The following IQGAP1 variants were observed in gnomAD, a reference collection of about 807,000 sequenced individuals.
IQGAP1 encodes the protein ras GTPase-activating-like protein IQGAP1.
IQGAP1 carries 66 observed loss-of-function variants against 215.6 expected under a neutral mutation model. The observed-to-expected ratio is 0.31, with a 90% confidence interval of 0.25 to 0.38. The LOEUF (loss-of-function observed/expected upper bound fraction) is 0.38. IQGAP1 is among the 10% of genes least tolerant of loss of function. The pLI is 1.00. For missense variants in IQGAP1, 1,712 were observed against 1,997.1 expected (o/e 0.86, Z 2.72); for synonymous variants, 772 against 728.7 (o/e 1.06, Z -0.96).
chr15:90,481,871 T>C (rs752723950), intron 26 of IQGAP1, 89 bp from the exon 27 acceptor site: 2 of 1,365,042 alleles, frequency 1.5e-6, no homozygotes, highest in Non-Finnish European at 2.1e-6. Flanking sequence ...TATTTCTGGG[T>C]CTTATAGTTT....
chr15:90,466,614 T>C (rs1040251789), intron 17 of IQGAP1, among the ~76,000 whole-genome samples, 178 bp downstream of exon 17: 58 of 127,098 alleles, frequency 4.6e-4, no homozygotes, highest in African/African-American at 1.9e-3. Flanking sequence ...CCCCCCCCCC[T>C]TGTGGACAGC....
rs1965985081 is a variant in IQGAP1 at position 90,476,685 on chromosome 15, A to G, written c.2807A>G (p.Lys936Arg). The change falls in exon 24 of 38, where the codon AAA (lysine) becomes AGA (arginine). Residue 936 changes from lysine (K) to arginine (R), a missense_variant. Around this residue, in one of 2 missense-constraint regions of IQGAP1, gnomAD observed 691 missense variants for 923.0 expected, o/e 0.75. Transcript: ENST00000268182. ...TLQDVVSHSK[K>R]LTKKNKEQLS... ...TAGGATGTGGTTTCCCACAGTAAAA[A>G]ACTTACCAAAAAAAATAAGGAACAG... is the stretch of plus-strand genomic sequence containing the variant. The G allele has an allele frequency of 1.3e-6, 2 of 1,587,472 alleles. No homozygotes were observed. The highest frequency in any genetic ancestry group is 1.7e-6 in the Non-Finnish European group (2 of 1,173,086).
chr15:90,451,436 G>T (rs1484179757), intron 11 of IQGAP1, among the ~76,000 whole-genome samples: 1 of 152,138 alleles, frequency 6.6e-6, no homozygotes, highest in East Asian at 1.9e-4. Flanking sequence ...GTGAGTAGGG[G>T]TCCTGGCTTT....
chr15:90,489,213 C>G (rs1567143459), intron 33 of IQGAP1, among the ~76,000 whole-genome samples: 1 of 151,666 alleles, frequency 6.6e-6, no homozygotes, highest in Non-Finnish European at 1.5e-5. Context: ...ACTGCAACCT[C>G]CGCCTCCTGG....
At chr15:90,469,644 A>G (rs1965879164) in intron 18 of IQGAP1, among the ~76,000 whole-genome samples, 1 of 152,222 alleles carries the variant, frequency 6.6e-6, no homozygotes, top group Non-Finnish European at 1.5e-5. Context: ...GGCAGAGAGA[A>G]GTGGTGCTCT....
chr15:90,494,180 G>A (rs1966242718), intron 35 of IQGAP1: 1 of 152,198 alleles, frequency 6.6e-6, no homozygotes, highest in Non-Finnish European at 1.5e-5. Context: ...TTTTGCAAAT[G>A]TGGGCATATT....
chr15:90,390,349 T>C (rs1384088949), intron 1 of IQGAP1, among the ~76,000 whole-genome samples: 3 of 152,220 alleles, frequency 2.0e-5, no homozygotes, highest in East Asian at 1.9e-4. Context: ...AGGATTGTTG[T>C]GGGGTTTCAA....
Position 90,443,469 on chromosome 15 carries a change from A to G in IQGAP1, c.904A>G (p.Lys302Glu). ...TQAEIQGNINKVNTFSALANI... is the reference protein window; with the variant it reads ...TQAEIQGNINEVNTFSALANI... Reference sequence around the variant, plus strand: ...AGCTGAAATTCAAGGCAATATAAACAAAGTCAATAGTAAGTATGTTCCTGA... The same window carrying G: ...AGCTGAAATTCAAGGCAATATAAACGAAGTCAATAGTAAGTATGTTCCTGA... The change falls in exon 9 of 38, where the codon AAA becomes GAA. Residue 302 changes from lysine (K) to glutamate (E), a missense_variant. Around this residue, in one of 2 missense-constraint regions of IQGAP1, gnomAD observed 1,021 missense variants for 1,074.2 expected, o/e 0.95. Transcript: ENST00000268182. The G allele has an allele frequency of 6.3e-7, 1 of 1,597,820 alleles. No individual in the cohort carries two copies. The highest frequency in any genetic ancestry group is 8.6e-7 in the Non-Finnish European group (1 of 1,165,378).
intron 9 of IQGAP1, among the ~76,000 whole-genome samples, chr15:90,445,140 T>A (rs557575996): frequency 2.9e-4 from 43 of 147,726 alleles, no homozygotes; most frequent in African/African-American, 9.8e-4. Flanking sequence ...AATTAATTAA[T>A]TTTTTTTTTT....
intron 35 of IQGAP1, chr15:90,493,889 G>C (rs190777966): frequency 3.0e-4 from 46 of 152,346 alleles, no homozygotes; most frequent in African/African-American, 1.0e-3. Context: ...AGAATGAACT[G>C]TTTCTCCAAG....
intron 23 of IQGAP1, 49 bp from the exon 24 acceptor site, chr15:90,476,614 G>T (rs1300795863): frequency 7.7e-6 from 11 of 1,436,982 alleles, no homozygotes; most frequent in Non-Finnish European, 7.5e-6. Flanking sequence ...AATGCCCAGA[G>T]GTTCATCTTT....
Position 90,449,608 on chromosome 15 carries a change from A to G in IQGAP1, c.1127A>G (p.Asp376Gly). ...AAGGAGGAGCTGCAGTCTGGAGTGG[A>G]TGCTGCAAACAGTGCTGCCCAGCAA... Reference protein sequence around the residue: ...LQKEELQSGVDAANSAAQQYQ... With the variant: ...LQKEELQSGVGAANSAAQQYQ... The change falls in exon 11 of 38, where the codon GAT (aspartate) becomes GGT (glycine). Residue 376 changes from aspartate (D) to glycine (G), a missense_variant. By Grantham distance (94) the Asp-to-Gly change is moderately conservative. Transcript: ENST00000268182. 2.5e-6 allele frequency: 4 copies of G among 1,613,164 alleles called. No homozygotes were observed. Among genetic ancestry groups the G allele is most frequent in the Non-Finnish European group, 3.4e-6 (4 of 1,179,634 alleles).
Position 90,477,698 on chromosome 15 carries a change from A to G in IQGAP1, c.3138A>G (p.Thr1046=), listed in dbSNP as rs1007774268. Residue 1046 remains threonine (T), a synonymous_variant, in exon 26 of 38, where the codon ACA becomes ACG. Coordinates refer to ENST00000268182, the MANE Select transcript of IQGAP1 (RefSeq NM_003870.4). ...TAGATCAGATTCAAGAGATTGTGAC[A>G]GGAAATCCTACGGTTATTAAAATGG... ...SKVDQIQEIV[T]GNPTVIKMVV... is the part of the protein sequence containing the mutation. The G allele has an allele frequency of 1.5e-5, 24 of 1,613,790 alleles. 1 individual carries two copies. The East Asian group carries it at 1.6e-4, about 10-fold the overall frequency.
chr15:90,404,041 T>G lies in IQGAP1; in HGVS notation c.155+13168T>G, dbSNP rs969394360. On this transcript the variant is annotated intron_variant, in intron 2 of 37. Transcript: ENST00000268182. ...GTGCCTCTTTTTTTCCTTCACAGTTTTAGTTTTCGGTTTTGAAGTTAACCT... is the reference window on the plus strand; with the variant it reads ...GTGCCTCTTTTTTTCCTTCACAGTTGTAGTTTTCGGTTTTGAAGTTAACCT... 2.6e-5 allele frequency among the ~76,000 whole-genome samples: 4 copies of G among 152,242 alleles called. No individual in the cohort carries two copies. The East Asian group carries it at 7.7e-4, about 29-fold the overall frequency.
In IQGAP1 at chr15:90,453,242, G is replaced by A; in HGVS notation, c.1437G>A (p.Leu479=). ...ATGTGAATACAGTGTGGAAGCAATT[G>A]AGCAGTTCAGTTACTGGTCTTACCA... The part of the protein sequence containing the change: ...SGDVNTVWKQ[L]SSSVTGLTNI... The change falls in exon 13 of 38, where the codon TTG becomes TTA. Residue 479 remains leucine (L), a synonymous_variant. Coordinates refer to ENST00000268182, the MANE Select transcript of IQGAP1 (RefSeq NM_003870.4). The A allele has an allele frequency of 6.2e-7, 1 of 1,614,012 alleles. No individual in the cohort carries two copies. The highest frequency in any genetic ancestry group is 1.1e-5 in the South Asian group (1 of 91,054).
In IQGAP1 at chr15:90,466,014, A is replaced by T; in HGVS notation, c.1790A>T (p.Glu597Val). The change falls in exon 16 of 38, where the codon GAG becomes GTG. Residue 597 changes from glutamate to valine, a missense_variant. Glu to Val is a moderately radical substitution (Grantham distance 121). This residue lies in a region of IQGAP1 where 1,021 missense variants were observed against 1,074.2 expected (regional missense o/e 0.95). Transcript: ENST00000268182. ...KREKAQEIQD[E>V]SAVLWLDEIQ... Reference sequence around the variant, plus strand: ...AATGATATGTAGGAAATCCAGGATGAGTCAGCTGTGTTATGGTTGGATGAA... The same window carrying T: ...AATGATATGTAGGAAATCCAGGATGTGTCAGCTGTGTTATGGTTGGATGAA... 3 of 1,614,036 alleles carry T rather than the reference A, an allele frequency of 1.9e-6. No individual in the cohort carries two copies. Among genetic ancestry groups the T allele is most frequent in the Non-Finnish European group, 2.5e-6 (3 of 1,179,884 alleles).
chr15:90,482,770 C>G (rs1023852742), intron 28 of IQGAP1: 1 of 972,346 alleles, frequency 1.0e-6, no homozygotes. Context: ...TTTATTTCTT[C>G]TGAATGAAAC....
chr15:90,418,860 A>G (rs768232280), intron 2 of IQGAP1, among the ~76,000 whole-genome samples: 1 of 152,160 alleles, frequency 6.6e-6, no homozygotes, highest in African/African-American at 2.4e-5. Flanking sequence ...TAAGAGTATC[A>G]GCTTCATACT....
chr15:90,396,685 C>T (rs897612412), intron 2 of IQGAP1, among the ~76,000 whole-genome samples: 3 of 152,088 alleles, frequency 2.0e-5, no homozygotes, highest in Non-Finnish European at 4.4e-5. Context: ...CGGCCTTGGA[C>T]AGGCTCCACC....
Sources: gnomAD v4.1 joint callset for allele counts (sites outside exome capture counted in the v4.1 genomes callset) on GRCh38, gnomAD v4.1.1 for gene constraint, gnomAD v4.1.1 regional missense constraint, MANE v1.5 for transcripts, NCBI Gene and HGNC (gene_info 2026-07-23, HGNC 2026-07-21) for gene names.